Variants in CACNA1S observed in about 807,000 individuals in gnomAD.
The protein encoded by CACNA1S is calcium voltage-gated channel subunit alpha1 S, also known as voltage-dependent L-type calcium channel subunit alpha-1S.
In CACNA1S, 126 loss-of-function variants were observed where a neutral mutation model predicts 207.4. The observed-to-expected ratio is 0.61, with a 90% CI of 0.53 to 0.70. The LOEUF (loss-of-function observed/expected upper bound fraction) is 0.70. Among genes scored for constraint, CACNA1S ranks in the 30% least tolerant of loss-of-function variants. The probability of loss-of-function intolerance (pLI) is 0.00; values close to 1 mark genes in which losing one functional copy is unlikely to be tolerated. For missense variants in CACNA1S, 2,349 were observed against 2,422.8 expected (o/e 0.97, Z 0.64); for synonymous variants, 960 against 932.7 (o/e 1.03, Z -0.53).
rs1431617830 is a variant in CACNA1S at position 201,077,859 on chromosome 1, C to T, written c.1619+20G>A. 6.3e-7 allele frequency: 1 copy of T among 1,595,826 alleles called. No individual in the cohort carries two copies. Among genetic ancestry groups the T allele is most frequent in the Non-Finnish European group, 8.6e-7 (1 of 1,164,458 alleles). ...GTGCCTGCCGGGGACCCGGGAGTGC[C>T]AGCCGACCCCGGCACTCACTTGGTG... On this transcript the variant is annotated intron_variant, in intron 11 of 43. Coordinates refer to ENST00000362061, the MANE Select transcript of CACNA1S (RefSeq NM_000069.3).
At chr1:201,051,949 C>A (rs1399585950) in intron 32 of CACNA1S, among the ~76,000 whole-genome samples, 1 of 152,154 alleles carries the variant, frequency 6.6e-6, no homozygotes, top group Non-Finnish European at 1.5e-5. Context: ...CCTCATGGAG[C>A]CTTTGACACG....
At chr1:201,087,172 A>C (rs1228721523) in intron 7 of CACNA1S, among the ~76,000 whole-genome samples, 1 of 152,162 alleles carries the variant, frequency 6.6e-6, no homozygotes, top group African/African-American at 2.4e-5. Context: ...TTTAGTGCTT[A>C]TTTTGTGCTG....
intron 5 of CACNA1S, 68 bp downstream of exon 5, chr1:201,091,572 T>G: frequency 6.4e-7 from 1 of 1,571,226 alleles, no homozygotes; most frequent in East Asian, 2.2e-5. Flanking sequence ...CTTCACCAGG[T>G]AGGGTGGCTC....
At chr1:201,090,511 A>G (rs757205693) in intron 5 of CACNA1S, among the ~76,000 whole-genome samples, 5 of 152,058 alleles carry the variant, frequency 3.3e-5, no homozygotes, top group Non-Finnish European at 5.9e-5. Flanking sequence ...GGTCATGAGG[A>G]GGTGAGTAGA....
chr1:201,072,826 T>C lies in CACNA1S; in HGVS notation c.2158-2A>G, dbSNP rs2102135936. 1 of 1,612,794 alleles carries C rather than the reference T, an allele frequency of 6.2e-7. No homozygotes were observed. The highest frequency in any genetic ancestry group is 8.5e-7 in the Non-Finnish European group (1 of 1,178,808). On this transcript the variant is annotated splice_acceptor_variant, in intron 15 of 43. Coordinates refer to ENST00000362061, the MANE Select transcript of CACNA1S (RefSeq NM_000069.3). LOFTEE classifies it high-confidence loss of function. ...AGATTCAAACTCATCGATTTTCAGC[T>C]GTAGGAAGGAACACAATGACTATAA...
At chr1:201,076,892 A>G (rs1451477718) in intron 12 of CACNA1S, 28 bp downstream of exon 12, 1 of 1,597,672 alleles carries the variant, frequency 6.3e-7, no homozygotes, top group African/African-American at 1.3e-5. Flanking sequence ...ACCGTTCAGA[A>G]GGAGGGACAC....
intron 1 of CACNA1S, among the ~76,000 whole-genome samples, chr1:201,111,975 C>CCACCCTCCTCCTCTTCCTCCTCCTCCCA (rs1663127948): frequency 6.7e-6 from 1 of 149,472 alleles, no homozygotes. Context: ...TCCTCCTCCC[C>CCACCCTCCTCCTCTTCCTCCTCCTCCCA]CACCCTCCTC....
rs151067462 is a variant in CACNA1S, at chr1:201,046,327, G to A, written c.4668+788C>T. 4.5e-3 allele frequency among the ~76,000 whole-genome samples: 689 copies of A among 152,202 alleles called. 5 individuals carry two copies. The highest frequency in any genetic ancestry group is 0.016 in the African/African-American group (646 of 41,516). ...CTCCCAAATAGCTGGGATTACAAGC[G>A]TATGCCACCATGCCCAGCTAATTTT... On this transcript the variant is annotated intron_variant, in intron 38 of 43. Coordinates refer to ENST00000362061, the MANE Select transcript of CACNA1S (RefSeq NM_000069.3).
chr1:201,109,243 CAA>C (rs56739161), intron 2 of CACNA1S, among the ~76,000 whole-genome samples: 58,955 of 118,146 alleles, frequency 0.5, 12,502 homozygotes, highest in East Asian at 0.81. Context: ...GACTCTGTCT[CAA>C]AAAAAAAAAA....
At chr1:201,043,834 G>A (rs1406795102) in intron 39 of CACNA1S, among the ~76,000 whole-genome samples, 2 of 152,036 alleles carry the variant, frequency 1.3e-5, no homozygotes, top group Non-Finnish European at 2.9e-5. Context: ...CTGGGTTCTA[G>A]TCCCCGCTCT....
chr1:201,103,431 A>G (rs1662754347), intron 2 of CACNA1S, among the ~76,000 whole-genome samples: 1 of 151,824 alleles, frequency 6.6e-6, no homozygotes, highest in South Asian at 2.1e-4. Flanking sequence ...CTTTCCTCCA[A>G]GGCTTTCCTC....
chr1:201,087,552 G>T (rs1662075544), intron 7 of CACNA1S, among the ~76,000 whole-genome samples: 1 of 152,096 alleles, frequency 6.6e-6, no homozygotes, highest in African/African-American at 2.4e-5. Context: ...ATTAAAAATT[G>T]AAGGGCTCCT....
rs777173963 is a variant in CACNA1S at position 201,051,126 on chromosome 1, G to A, written c.3971C>T (p.Ala1324Val). 3.7e-6 allele frequency: 6 copies of A among 1,614,196 alleles called. No homozygotes were observed. The highest frequency in any genetic ancestry group is 2.2e-5 in the South Asian group (2 of 91,088). The part of the protein sequence containing the change: ...LLLFRCATGE[A>V]WQEILLACSY... ...GCAGGCCAGTAGGATCTCCTGCCAG[G>A]CCTCACCTGTTGCACACCTAGAGGA... The change falls in exon 33 of 44, where the codon GCC becomes GTC. Residue 1324 changes from alanine to valine, a missense_variant. Physicochemically the swap from Ala to Val is moderately conservative, Grantham distance 64. Coordinates refer to ENST00000362061, the MANE Select transcript of CACNA1S (RefSeq NM_000069.3).
chr1:201,074,204 T>C (rs1030751813), intron 14 of CACNA1S, among the ~76,000 whole-genome samples: 10 of 152,150 alleles, frequency 6.6e-5, no homozygotes, highest in Non-Finnish European at 1.0e-4. Context: ...AGTGACAGGG[T>C]TGGGAGGGGA....
intron 22 of CACNA1S, among the ~76,000 whole-genome samples, chr1:201,062,907 C>T (rs563867595): frequency 6.6e-6 from 1 of 152,350 alleles, no homozygotes; most frequent in East Asian, 1.9e-4. Flanking sequence ...CGCACTGCTG[C>T]AGGAGGCCTT....
intron 22 of CACNA1S, among the ~76,000 whole-genome samples, chr1:201,064,758 A>G (rs1001703122): frequency 2.0e-5 from 3 of 152,232 alleles, no homozygotes; most frequent in African/African-American, 7.2e-5. Context: ...TGTGTGAGGG[A>G]CATCTTTGTA....
At chr1:201,105,775 A>G (rs1662854927) in intron 2 of CACNA1S, among the ~76,000 whole-genome samples, 1 of 152,102 alleles carries the variant, frequency 6.6e-6, no homozygotes, top group African/African-American at 2.4e-5. Flanking sequence ...CCCGGGCCCC[A>G]AGTCTATTAC....
rs769139254 is a variant in CACNA1S at position 201,041,585 on chromosome 1, G to A, written c.5053C>T (p.His1685Tyr). The A allele has an allele frequency of 6.2e-7, 1 of 1,612,104 alleles. No individual in the cohort carries two copies. Among genetic ancestry groups the A allele is most frequent in the South Asian group, 1.1e-5 (1 of 91,018 alleles). Residue 1685 changes from histidine to tyrosine, a missense_variant, in exon 41 of 44, where the codon CAC becomes TAC. Coordinates refer to ENST00000362061, the MANE Select transcript of CACNA1S (RefSeq NM_000069.3). ...TCTTCTGGGAACTCCCTTTCATAGT[G>A]GACACTGAAATGGAAGCAAGGCTGG... ...HSNSHVFSSV[H>Y]YEREFPEETE...
At chr1:201,103,793 G>A (rs141224417) in intron 2 of CACNA1S, among the ~76,000 whole-genome samples, 2,109 of 152,262 alleles carry the variant, frequency 0.014, 51 homozygotes, top group Admixed American at 0.065. Context: ...GTTGGCGAGC[G>A]CATTCCAGAC....
Sources: gnomAD v4.1 joint callset for allele counts (sites outside exome capture counted in the v4.1 genomes callset) on GRCh38, gnomAD v4.1.1 for gene constraint, MANE v1.5 for transcripts, NCBI Gene and HGNC (gene_info 2026-07-23, HGNC 2026-07-21) for gene names.